DNAAF4: variants seen among roughly 807,000 people sequenced by gnomAD.
DNAAF4 encodes the protein dynein axonemal assembly factor 4.
Under a neutral mutation model 51.8 loss-of-function variants are expected in DNAAF4, and 43 were observed. The ratio of observed to expected loss-of-function variants is 0.83; its 90% CI spans 0.65 to 1.07. The LOEUF is 1.07. DNAAF4 is among the 50% of genes least tolerant of loss of function. DNAAF4 has a pLI of 0.00. For synonymous variants in DNAAF4, 194 were observed against 165.6 expected (o/e 1.17, Z -1.32); for missense variants, 581 against 493.0 (o/e 1.18, Z -1.69).
chr15:55,491,692 TA>T lies in DNAAF4; in HGVS notation c.272-437del, dbSNP rs1186358661. Among the ~76,000 whole-genome samples the T allele has an allele frequency of 8.5e-5, 12 of 141,366 alleles. No individual in the cohort carries two copies. In the East Asian group the frequency reaches 1.4e-3, roughly 16 times the overall value. 92.7% of individuals were successfully genotyped at this position (141,366 alleles called of 152,430 possible). A position where few individuals can be genotyped will look rare whatever the true frequency, so the allele number is the denominator to read the frequency against. On this transcript the variant is annotated intron_variant, in intron 3 of 9. Transcript: ENST00000321149. ...TTATAGATAATATTATATTATTATA[TA>T]ATAATATTATATACTATTATTATAT...
chr15:55,477,223 T>C (rs919629243), intron 4 of DNAAF4, among the ~76,000 whole-genome samples: 1 of 152,132 alleles, frequency 6.6e-6, no homozygotes, highest in African/African-American at 2.4e-5. Flanking sequence ...GTAGTGATGG[T>C]TGTCAATATA....
intron 5 of DNAAF4, among the ~76,000 whole-genome samples, chr15:55,451,803 T>C (rs1372270429): frequency 6.6e-6 from 1 of 152,044 alleles, no homozygotes; most frequent in Non-Finnish European, 1.5e-5. Flanking sequence ...TGCTTTTTTG[T>C]AGAGATGGGG....
intron 4 of DNAAF4, among the ~76,000 whole-genome samples, chr15:55,490,554 A>G (rs2058556577): frequency 6.6e-6 from 1 of 152,232 alleles, no homozygotes; most frequent in Non-Finnish European, 1.5e-5. Flanking sequence ...AAAAAGAAGT[A>G]AAACACTTGC....
At chr15:55,462,786 T>C (rs2058111931) in intron 5 of DNAAF4, among the ~76,000 whole-genome samples, 1 of 152,154 alleles carries the variant, frequency 6.6e-6, no homozygotes, top group Non-Finnish European at 1.5e-5. Flanking sequence ...AGGGCTGGTT[T>C]AACATACACA....
intron 5 of DNAAF4, 80 bp downstream of exon 5, chr15:55,466,850 A>G (rs1447338820): frequency 1.3e-6 from 2 of 1,524,708 alleles, no homozygotes; most frequent in African/African-American, 2.8e-5. Context: ...AATGCTGTGA[A>G]TAGATTTACA....
At position 55,449,481 on chromosome 15, in the gene DNAAF4, G is replaced by T. The variant is rs971139158; in HGVS notation, c.783+741C>A. On this transcript the variant is annotated intron_variant, in intron 6 of 9. Coordinates refer to ENST00000321149, the MANE Select transcript of DNAAF4 (RefSeq NM_130810.4). ...AGTTTGAGACCAGCCTGACCAACATGGTGAAACCCCATCTCTACTAAAAAT... is the reference window on the plus strand; with the variant it reads ...AGTTTGAGACCAGCCTGACCAACATTGTGAAACCCCATCTCTACTAAAAAT... Among the ~76,000 whole-genome samples the T allele has an allele frequency of 1.3e-5, 2 of 149,088 alleles. 1 individual carries two copies. The highest frequency in any genetic ancestry group is 4.9e-5 in the African/African-American group (2 of 40,770).
intron 4 of DNAAF4, among the ~76,000 whole-genome samples, chr15:55,486,994 G>A (rs1018949942): frequency 2.0e-5 from 3 of 152,066 alleles, no homozygotes; most frequent in Non-Finnish European, 4.4e-5. Flanking sequence ...TAGCCAGAAC[G>A]AGCTTTCTAA....
rs757967709 is a variant in DNAAF4, at chr15:55,439,598, G to A, written c.784-17C>T. On this transcript the variant is annotated splice_polypyrimidine_tract_variant and intron_variant, in intron 6 of 9. Transcript: ENST00000321149. ...GTGTAGCCACTAGAATGAGAAAGAA[G>A]TCTTATGAAGAATAAAAAGGTCTTT... The A allele has an allele frequency of 2.5e-6, 4 of 1,595,550 alleles. No individual in the cohort carries two copies. Among genetic ancestry groups the A allele is most frequent in the Non-Finnish European group, 3.4e-6 (4 of 1,170,790 alleles).
chr15:55,497,858 A>C lies in DNAAF4; in HGVS notation c.125T>G (p.Val42Gly). 6.2e-7 allele frequency: 1 copy of C among 1,609,134 alleles called. No individual in the cohort carries two copies. The highest frequency in any genetic ancestry group is 8.5e-7 in the Non-Finnish European group (1 of 1,178,458). ...DVFCTENYLK[V>G]NFPPFLFEAF... ...CTCAAATAAAAATGGAGGAAAGTTG[A>C]CCTATGCAGAAGGGTGAAAACAGAA... Residue 42 changes from valine (V) to glycine (G), a missense_variant and splice_region_variant, in exon 3 of 10, where the codon GTC becomes GGC. By Grantham distance (109) the Val-to-Gly change is moderately radical. Coordinates refer to ENST00000321149, the MANE Select transcript of DNAAF4 (RefSeq NM_130810.4).
chr15:55,420,987 G>C (rs955308131), intron 7 of DNAAF4, among the ~76,000 whole-genome samples: 1 of 151,758 alleles, frequency 6.6e-6, no homozygotes, highest in African/African-American at 2.4e-5. Flanking sequence ...TCAGCAGGTC[G>C]AGACCAGCCT....
At chr15:55,433,904 T>TATAATATA (rs1567000410) in intron 8 of DNAAF4, among the ~76,000 whole-genome samples, 1 of 16,342 alleles carries the variant, frequency 6.1e-5, no homozygotes, top group African/African-American at 4.7e-4. Context: ...ATTATATATA[T>TATAATATA]TATATATAAT....
chr15:55,419,218 C>A (rs972754404), intron 7 of DNAAF4, among the ~76,000 whole-genome samples: 2 of 151,480 alleles, frequency 1.3e-5, no homozygotes, highest in South Asian at 2.1e-4. Flanking sequence ...GCCCAGCCAA[C>A]ACACTTATAT....
At chr15:55,433,938 T>TATATA (rs1450851982) in intron 8 of DNAAF4, among the ~76,000 whole-genome samples, 3 of 3,998 alleles carry the variant, frequency 7.5e-4, no homozygotes, top group East Asian at 0.083. Context: ...TTATATAAAA[T>TATATA]ATATATAATA....
intron 6 of DNAAF4, 81 bp from the exon 7 acceptor site, chr15:55,439,662 C>A: frequency 8.1e-7 from 1 of 1,240,008 alleles, no homozygotes; most frequent in Non-Finnish European, 1.1e-6. Context: ...CCATCTTCCT[C>A]CAGTGGATTG....
In DNAAF4 at chr15:55,439,408, C is replaced by T. The variant is rs1052455197; in HGVS notation, c.893+64G>A. 5 of 1,388,202 alleles carry T rather than the reference C, an allele frequency of 3.6e-6. No homozygotes were observed. The Admixed American group carries it at 8.9e-5, about 25-fold the overall frequency. The allele number at this position is 1,388,202 out of a possible 1,614,324, so 86.0% of individuals were successfully genotyped here. The stretch of plus-strand genomic sequence containing the variant: ...TACAGGCATGAGCCACCATACTCGT[C>T]CTATGATAACTGCTAATGTCTTCAT... On this transcript the variant is annotated intron_variant, in intron 7 of 9. Coordinates refer to ENST00000321149, the MANE Select transcript of DNAAF4 (RefSeq NM_130810.4).
At chr15:55,504,114 G>C (rs985937449) in intron 1 of DNAAF4, among the ~76,000 whole-genome samples, 2 of 152,052 alleles carry the variant, frequency 1.3e-5, no homozygotes, top group African/African-American at 4.8e-5. Context: ...AATCACAAGC[G>C]TTCCTATACA....
At chr15:55,480,306 C>A (rs537293989) in intron 4 of DNAAF4, among the ~76,000 whole-genome samples, 5 of 152,208 alleles carry the variant, frequency 3.3e-5, no homozygotes, top group Middle Eastern at 6.8e-3. Flanking sequence ...ACAGAAAGAA[C>A]CTACGTTGAA....
At chr15:55,478,151 G>C (rs1461335887) in intron 4 of DNAAF4, among the ~76,000 whole-genome samples, 1 of 152,156 alleles carries the variant, frequency 6.6e-6, no homozygotes, top group Non-Finnish European at 1.5e-5. Context: ...CACAAATTCA[G>C]TTTCTTTTTG....
intron 3 of DNAAF4, among the ~76,000 whole-genome samples, chr15:55,493,454 A>C (rs2058600362): frequency 6.6e-6 from 1 of 152,218 alleles, no homozygotes; most frequent in Non-Finnish European, 1.5e-5. Flanking sequence ...GTTTAAAAAC[A>C]GGAAGGTAGA....
Sources: gnomAD v4.1 joint callset for allele counts (sites outside exome capture counted in the v4.1 genomes callset) on GRCh38, gnomAD v4.1.1 for gene constraint, MANE v1.5 for transcripts, NCBI Gene and HGNC (gene_info 2026-07-23, HGNC 2026-07-21) for gene names.